The following RAPGEFL1 variants were observed in gnomAD, a reference collection of about 807,000 sequenced individuals.
RAPGEFL1 encodes rap guanine nucleotide exchange factor-like 1.
RAPGEFL1 carries 31 observed loss-of-function variants against 64.4 expected under a neutral mutation model. The ratio of observed to expected loss-of-function variants is 0.48; its 90% CI spans 0.36 to 0.65. The LOEUF (loss-of-function observed/expected upper bound fraction) is 0.65. Ranked by LOEUF, RAPGEFL1 falls within the 30% of genes least tolerant of loss-of-function variation. The pLI is 0.00. For synonymous variants in RAPGEFL1, 331 were observed against 274.1 expected, an observed-to-expected ratio of 1.21 and a Z score of -2.05; for missense variants, 682 against 677.4, an observed-to-expected ratio of 1.01 and a Z score of -0.08.
intron 12 of RAPGEFL1, 114 bp downstream of exon 12, chr17:40,192,807 G>A (rs1990323171): frequency 1.5e-6 from 2 of 1,349,480 alleles, no homozygotes; most frequent in South Asian, 1.2e-5. Flanking sequence ...ACCTGGAGAG[G>A]AGCCCCCCAC....
intron 3 of RAPGEFL1, 59 bp downstream of exon 3, chr17:40,184,408 T>G (rs914238538): frequency 4.1e-6 from 6 of 1,445,930 alleles, no homozygotes; most frequent in Admixed American, 2.1e-5. Flanking sequence ...AGGGGGCCCC[T>G]GTGAAGGAGC....
At chr17:40,183,835 C>CTTTTTTTTTTTTT (rs34505274) in intron 2 of RAPGEFL1, among the ~76,000 whole-genome samples, 2 of 56,880 alleles carry the variant, frequency 3.5e-5, no homozygotes, top group African/African-American at 8.0e-5. Context: ...TTTTTTTTGC[C>CTTTTTTTTTTTTT]TTTTTTTTTT....
chr17:40,181,361 A>G lies in RAPGEFL1; in HGVS notation c.521-255A>G, dbSNP rs925447455. ...CCACATACGCTGAAGAGAAGTGCAC[A>G]TGGCCATCAAAGGCACGCGCCCCCC... On this transcript the variant is annotated intron_variant, in intron 1 of 14. Coordinates refer to ENST00000620260, the MANE Select transcript of RAPGEFL1 (RefSeq NM_016339.6). 1.5e-5 allele frequency: 9 copies of G among 605,974 alleles called. 1 individual carries two copies. Among genetic ancestry groups the G allele is most frequent in the Admixed American group, 6.4e-5 (3 of 47,004 alleles). The allele number at this position is 605,974 out of a possible 1,614,324, so 37.5% of individuals were successfully genotyped here. A position where few individuals can be genotyped will look rare whatever the true frequency, so the allele number is the denominator to read the frequency against.
Position 40,178,224 on chromosome 17 carries a change from C to G in RAPGEFL1, c.363C>G (p.Arg121=), listed in dbSNP as rs1989781346. 1 of 599,938 alleles carries G rather than the reference C, an allele frequency of 1.7e-6. No homozygotes were observed. Among genetic ancestry groups the G allele is most frequent in the African/African-American group, 1.9e-5 (1 of 51,466 alleles). 37.2% of individuals were successfully genotyped at this position (599,938 alleles called of 1,614,324 possible). The change falls in exon 1 of 15, where the codon CGC becomes CGG. Residue 121 remains arginine (R), a synonymous_variant. Coordinates refer to ENST00000620260, the MANE Select transcript of RAPGEFL1 (RefSeq NM_016339.6). ...PGPLGGGGPL[R]SPSSYSSDEL... Reference sequence around the variant, plus strand: ...CTCTCGGGGGAGGGGGGCCCCTGCGCTCCCCTTCCTCCTACTCATCTGACG... The same window carrying G: ...CTCTCGGGGGAGGGGGGCCCCTGCGGTCCCCTTCCTCCTACTCATCTGACG...
rs1990364009 is a variant in RAPGEFL1, at chr17:40,193,778, A to T, written c.1979A>T (p.Asn660Ile). 1 of 1,613,924 alleles carries T rather than the reference A, an allele frequency of 6.2e-7. No individual in the cohort carries two copies. Among genetic ancestry groups the T allele is most frequent in the African/African-American group, 1.3e-5 (1 of 74,954 alleles). Residue 660 changes from asparagine to isoleucine, a missense_variant, in exon 15 of 15, where the codon AAC becomes ATC. Physicochemically the swap from Asn to Ile is moderately radical, Grantham distance 149. Around this residue, in one of 2 missense-constraint regions of RAPGEFL1, gnomAD observed 411 missense variants for 519.4 expected, o/e 0.79. Transcript: ENST00000620260. The stretch of plus-strand genomic sequence containing the variant: ...GAGCTCTCCTACAAGCTGGAGGCAA[A>T]CAGTCAGTGAGAGTGGAGGCTCCAG... The part of the protein sequence containing the change: ...LFELSYKLEA[N>I]SQ
upstream of RAPGEFL1, chr17:40,177,345 G>GT (rs1295644529): frequency 1.4e-6 from 1 of 693,962 alleles, no homozygotes; most frequent in Non-Finnish European, 2.6e-6. Context: ...GTCCCTTACT[G>GT]TTTCCCTCGC....
Position 40,195,515 on chromosome 17 carries a change from A to C in RAPGEFL1, c.*1727A>C, listed in dbSNP as rs1202656247. Reference sequence around the variant, plus strand: ...TGGCTGCTGCTTACCCCTAGCCTTGATGCCTGCCCAGGGACCCCCAGCCCC... The same window carrying C: ...TGGCTGCTGCTTACCCCTAGCCTTGCTGCCTGCCCAGGGACCCCCAGCCCC... On this transcript the variant is annotated 3_prime_UTR_variant, in exon 15 of 15. Transcript: ENST00000620260. The C allele has an allele frequency of 6.5e-6, 1 of 152,926 alleles. No homozygotes were observed. Among genetic ancestry groups the C allele is most frequent in the African/African-American group, 2.4e-5 (1 of 41,434 alleles). The allele number at this position is 152,926 out of a possible 1,614,324, so 9.5% of individuals were successfully genotyped here.
chr17:40,192,026 C>A (rs547657801), intron 10 of RAPGEFL1, among the ~76,000 whole-genome samples, 187 bp from the exon 11 acceptor site: 3 of 152,296 alleles, frequency 2.0e-5, no homozygotes, highest in Non-Finnish European at 2.9e-5. Context: ...TAATGAATTC[C>A]TCTGGGCTGT....
At chr17:40,192,809 G>GC in intron 12 of RAPGEFL1, 116 bp downstream of exon 12, 4 of 1,338,502 alleles carry the variant, frequency 3.0e-6, no homozygotes, top group Non-Finnish European at 4.3e-6. Context: ...CTGGAGAGGA[G>GC]CCCCCCACCA....
chr17:40,181,315 G>A (rs1989886457), intron 1 of RAPGEFL1: 1 of 535,896 alleles, frequency 1.9e-6, no homozygotes, highest in East Asian at 4.7e-5. Flanking sequence ...CTCAACCTTG[G>A]TGTGTTATCT....
intron 4 of RAPGEFL1, among the ~76,000 whole-genome samples, chr17:40,187,956 G>GC (rs1206097038): frequency 1.4e-4 from 15 of 106,280 alleles, no homozygotes; most frequent in East Asian, 3.0e-4. Context: ...TTGCTCTGTT[G>GC]CCAGGCTGGA....
intron 4 of RAPGEFL1, among the ~76,000 whole-genome samples, chr17:40,187,831 T>C (rs1990127758): frequency 2.0e-5 from 3 of 151,482 alleles, no homozygotes; most frequent in Non-Finnish European, 2.9e-5. Context: ...GCCAGGATGG[T>C]CTAGATCTCC....
At chr17:40,190,926 A>G in intron 8 of RAPGEFL1, 164 bp downstream of exon 8, 1 of 1,106,804 alleles carries the variant, frequency 9.0e-7, no homozygotes, top group Non-Finnish European at 1.3e-6. Context: ...AAAATCGCAA[A>G]GAGAGAGACC....
intron 4 of RAPGEFL1, among the ~76,000 whole-genome samples, chr17:40,184,940 C>T (rs752404844): frequency 6.6e-6 from 1 of 151,988 alleles, no homozygotes; most frequent in Non-Finnish European, 1.5e-5. Flanking sequence ...CCATGCCCAG[C>T]TAATTTTTGT....
At chr17:40,181,857 G>C (rs910223996) in intron 2 of RAPGEFL1, among the ~76,000 whole-genome samples, 163 bp downstream of exon 2, 1 of 152,030 alleles carries the variant, frequency 6.6e-6, no homozygotes, top group Non-Finnish European at 1.5e-5. Flanking sequence ...TGAGGCAGGC[G>C]GATCACCTGA....
chr17:40,192,337 C>T, intron 11 of RAPGEFL1, 74 bp downstream of exon 11: 1 of 1,487,530 alleles, frequency 6.7e-7, no homozygotes, highest in Non-Finnish European at 9.4e-7. Context: ...AAACCCCCTT[C>T]CTCAAGCTTT....
chr17:40,188,207 A>G (rs1305162695), intron 4 of RAPGEFL1, among the ~76,000 whole-genome samples: 1 of 151,788 alleles, frequency 6.6e-6, no homozygotes, highest in East Asian at 1.9e-4. Context: ...GAGCCACTGC[A>G]CCTGGCCTCC....
At position 40,184,803 on chromosome 17, in the gene RAPGEFL1, A is replaced by C. The variant is rs991774958; in HGVS notation, c.833+125A>C. On this transcript the variant is annotated intron_variant, in intron 4 of 14. Coordinates refer to ENST00000620260, the MANE Select transcript of RAPGEFL1 (RefSeq NM_016339.6). ...CTTGTTTGTTTGTTTGTTTTGAGAC[A>C]GAGTCTCACTTTGTCGCCTAGGCTG... 3 of 640,540 alleles carry C rather than the reference A, an allele frequency of 4.7e-6. No homozygotes were observed. The African/African-American group carries it at 5.6e-5, about 12-fold the overall frequency. 39.7% of individuals were successfully genotyped at this position (640,540 alleles called of 1,614,324 possible). A position where few individuals can be genotyped will look rare whatever the true frequency, so the allele number is the denominator to read the frequency against.
chr17:40,178,686 G>A (rs991524800), intron 1 of RAPGEFL1, among the ~76,000 whole-genome samples: 6 of 152,202 alleles, frequency 3.9e-5, no homozygotes, highest in Non-Finnish European at 7.3e-5. Flanking sequence ...CCCTGATGTT[G>A]AATACCTCCT....
Sources: allele counts gnomAD v4.1 joint callset (sites outside exome capture counted in the v4.1 genomes callset), GRCh38; gene constraint gnomAD v4.1.1; regional missense constraint gnomAD v4.1.1; transcripts MANE v1.5; gene names NCBI Gene and HGNC (gene_info 2026-07-23, HGNC 2026-07-21).